Variants in BPIFB1 observed in about 807,000 individuals in gnomAD.
BPIFB1 encodes the protein BPI fold-containing family B member 1.
In BPIFB1, 34 loss-of-function variants were observed where a neutral mutation model predicts 55.1. The ratio of observed to expected loss-of-function variants is 0.62; its 90% confidence interval spans 0.47 to 0.82. The LOEUF (loss-of-function observed/expected upper bound fraction) is 0.82, where lower values mean the gene tolerates loss of function less well. Ranked by LOEUF, BPIFB1 falls within the 40% of genes least tolerant of loss-of-function variation. The pLI, the probability that BPIFB1 is intolerant of heterozygous loss-of-function variation, is 0.00. For synonymous variants in BPIFB1, 236 were observed against 245.3 expected (o/e 0.96, Z 0.35); for missense variants, 532 against 593.1 (o/e 0.90, Z 1.07).
chr20:33,297,684 T>A (rs1465458035), intron 7 of BPIFB1, 96 bp downstream of exon 7: 1 of 1,299,936 alleles, frequency 7.7e-7, no homozygotes, highest in South Asian at 1.2e-5. Context: ...AAGTCAGGCC[T>A]GAGCTGCAAC....
At chr20:33,306,708 G>C (rs748504766) in intron 14 of BPIFB1, 5 of 592,044 alleles carry the variant, frequency 8.4e-6, no homozygotes, top group African/African-American at 1.9e-5. Context: ...TTTTGTGAGG[G>C]GCCAGAAGCC....
chr20:33,299,893 G>C lies in BPIFB1; in HGVS notation c.662-6G>C, dbSNP rs755120416. 14 of 1,613,400 alleles carry C rather than the reference G, an allele frequency of 8.7e-6. No homozygotes were observed. In the East Asian group the frequency reaches 1.1e-4, roughly 13 times the overall value. ...CTCACAGAACTTTCTTCTTGTCCTT[G>C]AGCAGTGCCCATTTCCCTCAGCATT... On this transcript the variant is annotated splice_region_variant and splice_polypyrimidine_tract_variant and intron_variant, in intron 7 of 15. Transcript: ENST00000253354.
chr20:33,301,669 C>A (rs989295363), intron 9 of BPIFB1, among the ~76,000 whole-genome samples: 2 of 152,196 alleles, frequency 1.3e-5, no homozygotes, highest in African/African-American at 4.8e-5. Flanking sequence ...CTCGTGAAAT[C>A]AAAAGGCATC....
rs143134619 is a variant in BPIFB1 at position 33,304,864 on chromosome 20, G to A, written c.1227G>A (p.Leu409=). The A allele has an allele frequency of 1.1e-3, 1,738 of 1,614,186 alleles. 3 individuals are homozygous for A. Among genetic ancestry groups the A allele is most frequent in the Middle Eastern group, 8.1e-3 (49 of 6,062 alleles). The change falls in exon 13 of 16, where the codon CTG becomes CTA. Residue 409 remains leucine, a synonymous_variant. Coordinates refer to ENST00000253354, the MANE Select transcript of BPIFB1 (RefSeq NM_033197.3). ...LNNISSDRIQ[L]MNSGIGWFQP... ...ATTGCAGCTCTGATCGGATCCAGCT[G>A]ATGAACTCTGGGATTGGCTGGTTCC...
At chr20:33,288,126 C>T (rs1011195936) in intron 2 of BPIFB1, among the ~76,000 whole-genome samples, 8 of 152,290 alleles carry the variant, frequency 5.3e-5, no homozygotes, top group Middle Eastern at 3.4e-3. Context: ...CAATCACTGG[C>T]TGAAGTCTGC....
intron 12 of BPIFB1, 117 bp from the exon 13 acceptor site, chr20:33,304,729 A>T: frequency 7.8e-7 from 1 of 1,289,344 alleles, no homozygotes; most frequent in Non-Finnish European, 1.1e-6. Flanking sequence ...CATGTGGTTC[A>T]CTGGAGCCCG....
rs1980886137 is a variant in BPIFB1, at chr20:33,302,525, A to G, written c.981+113A>G. ...GTTTCATTCCAGCACTGGGACACTC[A>G]AACCGCATCCCTGTCCGCACAGAGA... On this transcript the variant is annotated intron_variant, in intron 10 of 15. Coordinates refer to ENST00000253354, the MANE Select transcript of BPIFB1 (RefSeq NM_033197.3). The G allele has an allele frequency of 1.2e-5, 14 of 1,173,172 alleles. No individual in the cohort carries two copies. In the South Asian group the frequency reaches 1.8e-4, roughly 15 times the overall value. 72.7% of individuals were successfully genotyped at this position (1,173,172 alleles called of 1,614,324 possible).
At chr20:33,302,718 A>G (rs1418787722) in intron 10 of BPIFB1, 198 bp from the exon 11 acceptor site, 3 of 665,830 alleles carry the variant, frequency 4.5e-6, no homozygotes, top group Non-Finnish European at 7.6e-6. Context: ...GGCATTCCAG[A>G]CAGAGGGAAC....
Position 33,289,994 on chromosome 20 carries a change from T to C in BPIFB1, c.365+2T>C, listed in dbSNP as rs1980407499. The C allele has an allele frequency of 6.2e-7, 1 of 1,611,774 alleles. No individual in the cohort carries two copies. ...GGACATGGTGGCTGGATTCAACACG[T>C]GAGTGACCCCTCCATCAAGTACAGT... On this transcript the variant is annotated splice_donor_variant, in intron 4 of 15. Coordinates refer to ENST00000253354, the MANE Select transcript of BPIFB1 (RefSeq NM_033197.3). LOFTEE classifies it high-confidence loss of function.
intron 6 of BPIFB1, among the ~76,000 whole-genome samples, chr20:33,297,214 C>G (rs1980680711): frequency 6.6e-6 from 1 of 152,266 alleles, no homozygotes; most frequent in Non-Finnish European, 1.5e-5. Context: ...AGCCATTGCG[C>G]CCAGCCTCCA....
In BPIFB1 at chr20:33,285,406, T is replaced by G. The variant is rs182899279; in HGVS notation, c.-41-627T>G. Among the ~76,000 whole-genome samples, 205 of 143,476 alleles carry G rather than the reference T, an allele frequency of 1.4e-3. 3 individuals are homozygous for G. In the East Asian group the frequency reaches 0.036, roughly 25 times the overall value. The allele number at this position is 143,476 out of a possible 152,430, so 94.1% of individuals were successfully genotyped here. A position where few individuals can be genotyped will look rare whatever the true frequency, so the allele number is the denominator to read the frequency against. On this transcript the variant is annotated intron_variant, in intron 1 of 15. Transcript: ENST00000253354. ...CTTTGTTCTGAGCATTGTTGCTGGA[T>G]TTTCTGTAAGAAAATAGCTAATACA...
chr20:33,297,404 C>T, intron 6 of BPIFB1, 121 bp from the exon 7 acceptor site: 2 of 1,044,180 alleles, frequency 1.9e-6, no homozygotes, highest in Non-Finnish European at 1.4e-6. Flanking sequence ...ATGGATGGAA[C>T]CTGGCTGGCC....
At chr20:33,305,877 G>A in intron 13 of BPIFB1, 125 bp from the exon 14 acceptor site, 1 of 1,069,202 alleles carries the variant, frequency 9.4e-7, no homozygotes, top group Admixed American at 1.8e-5. Context: ...ATCAGCAGGG[G>A]ACCTGGAATT....
rs1038703186 is a variant in BPIFB1 at position 33,302,253 on chromosome 20, C to G, written c.928-106C>G. ...ACATGGCTTGGGTCACTGGGCCCACCCAGCTTTTCTGGGGTCCTGGGAAAC... is the reference window on the plus strand; with the variant it reads ...ACATGGCTTGGGTCACTGGGCCCACGCAGCTTTTCTGGGGTCCTGGGAAAC... On this transcript the variant is annotated intron_variant, in intron 9 of 15. Coordinates refer to ENST00000253354, the MANE Select transcript of BPIFB1 (RefSeq NM_033197.3). The G allele has an allele frequency of 3.3e-6, 4 of 1,218,156 alleles. No individual in the cohort carries two copies. The African/African-American group carries it at 6.0e-5, about 18-fold the overall frequency. 75.5% of individuals were successfully genotyped at this position (1,218,156 alleles called of 1,614,324 possible).
At chr20:33,284,333 C>T (rs1980195250) in intron 1 of BPIFB1, among the ~76,000 whole-genome samples, 1 of 152,230 alleles carries the variant, frequency 6.6e-6, no homozygotes, top group African/African-American at 2.4e-5. Context: ...GGCCTCCTAA[C>T]ACTAACCTTT....
chr20:33,309,630 T>C lies in BPIFB1; in HGVS notation c.1396-78T>C. 7.1e-7 allele frequency: 1 copy of C among 1,416,348 alleles called. No individual in the cohort carries two copies. Among genetic ancestry groups the C allele is most frequent in the Non-Finnish European group, 1.0e-6 (1 of 1,001,334 alleles). The allele number at this position is 1,416,348 out of a possible 1,614,324, so 87.7% of individuals were successfully genotyped here. A position where few individuals can be genotyped will look rare whatever the true frequency, so the allele number is the denominator to read the frequency against. On this transcript the variant is annotated intron_variant, in intron 15 of 15. Transcript: ENST00000253354. The surrounding 1 kb of genome is among the most constrained non-coding windows in gnomAD (Gnocchi z 4.4). ...TCCCCCGGTGCCAGCAGTCACCTTA[T>C]GGAGGACAAAACCAGCATAAACCAC... is the stretch of plus-strand genomic sequence containing the variant.
At chr20:33,285,104 G>A (rs942748377) in intron 1 of BPIFB1, among the ~76,000 whole-genome samples, 2 of 152,182 alleles carry the variant, frequency 1.3e-5, no homozygotes, top group Non-Finnish European at 2.9e-5. Flanking sequence ...GACAGGGGAA[G>A]CTTTATAGGG....
intron 11 of BPIFB1, 126 bp downstream of exon 11, chr20:33,303,200 G>T: frequency 8.2e-7 from 1 of 1,222,644 alleles, no homozygotes; most frequent in East Asian, 2.5e-5. Context: ...CAGGGGACAG[G>T]GAGCTCTGAA....
chr20:33,301,287 G>T lies in BPIFB1; in HGVS notation c.802G>T (p.Ala268Ser). ...KVTKWFNNSA[A>S]SLTMPTLDNI... ...GACCAAGTGGTTCAATAACTCTGCA[G>T]CTTCCCTGACAATGCCCACCCTGGA... is the stretch of plus-strand genomic sequence containing the variant. Residue 268 changes from alanine to serine, a missense_variant, in exon 9 of 16, where the codon GCT (alanine) becomes TCT (serine). By Grantham distance (99) the Ala-to-Ser change is moderately conservative (BLOSUM62 1). Coordinates refer to ENST00000253354, the MANE Select transcript of BPIFB1 (RefSeq NM_033197.3). The T allele has an allele frequency of 6.2e-7, 1 of 1,614,204 alleles. No homozygotes were observed. The highest frequency in any genetic ancestry group is 1.1e-5 in the South Asian group (1 of 91,084).
Sources: allele counts gnomAD v4.1 joint callset (sites outside exome capture counted in the v4.1 genomes callset), GRCh38; gene constraint gnomAD v4.1.1; non-coding constraint Gnocchi (gnomAD v3.1); transcripts MANE v1.5; gene names NCBI Gene and HGNC (gene_info 2026-07-23, HGNC 2026-07-21).